ATP11C: variants seen among roughly 807,000 people sequenced by gnomAD.
ATP11C encodes phospholipid-transporting ATPase IG.
Under a neutral mutation model 97.4 loss-of-function variants are expected in ATP11C, and 36 were observed. The observed-to-expected ratio is 0.37, with a 90% CI of 0.28 to 0.49. ATP11C has a LOEUF of 0.49. Among genes scored for constraint, ATP11C ranks in the 20% least tolerant of loss-of-function variants. The pLI, the probability that ATP11C is intolerant of heterozygous loss-of-function variation, is 0.98. For synonymous variants in ATP11C, 275 were observed against 290.9 expected, an observed-to-expected ratio of 0.95 and a Z score of 0.56; for missense variants, 730 against 824.6, an observed-to-expected ratio of 0.89 and a Z score of 1.40.
At chrX:139,790,803 T>C (rs2082676199) in intron 12 of ATP11C, among the ~76,000 whole-genome samples, 1 of 111,697 alleles carries the variant, frequency 9.0e-6, no homozygotes, top group Admixed American at 9.5e-5. Context: ...AGTTTCCAAA[T>C]TTAGAAAAAA....
At chrX:139,762,714 C>T (rs2082061368) in intron 21 of ATP11C, among the ~76,000 whole-genome samples, 1 of 111,254 alleles carries the variant, frequency 9.0e-6, no homozygotes, top group Non-Finnish European at 1.9e-5. Context: ...ATATCTGGCC[C>T]CACCACCCTG....
chrX:139,745,634 G>A (rs1235573119), intron 25 of ATP11C, 88 bp downstream of exon 25: 23 of 981,812 alleles, frequency 2.3e-5, no homozygotes, highest in Admixed American at 3.1e-5. Context: ...ATTACAGCTA[G>A]AGTATGTATA....
chrX:139,856,794 C>T (rs1307341563), intron 1 of ATP11C, among the ~76,000 whole-genome samples: 1 of 112,215 alleles, frequency 8.9e-6, no homozygotes, highest in African/African-American at 3.2e-5. Flanking sequence ...TTATTAACTA[C>T]ACTAGAGATG....
intron 2 of ATP11C, among the ~76,000 whole-genome samples, chrX:139,823,552 A>C (rs1414095672): frequency 8.9e-6 from 1 of 112,180 alleles, no homozygotes; most frequent in African/African-American, 3.2e-5. Flanking sequence ...AAAAATGCTG[A>C]TGGTTTAGCA....
chrX:139,823,731 G>T (rs1449628209), intron 2 of ATP11C, among the ~76,000 whole-genome samples: 1 of 111,986 alleles, frequency 8.9e-6, no homozygotes, highest in East Asian at 2.8e-4. Context: ...AGAAAACTTA[G>T]GAAAAACTCT....
chrX:139,900,224 C>T (rs945978273), intron 1 of ATP11C, among the ~76,000 whole-genome samples: 2 of 110,222 alleles, frequency 1.8e-5, no homozygotes, highest in South Asian at 3.9e-4. Flanking sequence ...CAAAAATTAG[C>T]GGGGTGTGGT....
At chrX:139,867,718 G>GCAGCTA (rs1270194765) in intron 1 of ATP11C, among the ~76,000 whole-genome samples, 26 of 112,209 alleles carry the variant, frequency 2.3e-4, no homozygotes, top group African/African-American at 8.4e-4. Context: ...ATCTGGCAGA[G>GCAGCTA]CAGCTAGCAT....
chrX:139,849,585 ACCT>A (rs2083958757), intron 1 of ATP11C, among the ~76,000 whole-genome samples: 1 of 111,272 alleles, frequency 9.0e-6, no homozygotes, highest in Non-Finnish European at 1.9e-5. Context: ...CTACTTCCTC[ACCT>A]CCTCTTCACT....
intron 1 of ATP11C, among the ~76,000 whole-genome samples, chrX:139,870,337 G>T (rs940484826): frequency 8.9e-6 from 1 of 112,281 alleles, no homozygotes; most frequent in Non-Finnish European, 1.9e-5. Flanking sequence ...TTACACGTAT[G>T]TTTAGTTATC....
intron 1 of ATP11C, among the ~76,000 whole-genome samples, chrX:139,911,954 G>A (rs1451079783): frequency 2.7e-5 from 3 of 109,418 alleles, no homozygotes; most frequent in Admixed American, 9.9e-5. Flanking sequence ...GAGGGAGGGC[G>A]GATCACTTGA....
rs7056634 is a variant in ATP11C at position 139,758,451 on chromosome X, C to T, written c.2641-584G>A. On this transcript the variant is annotated intron_variant, in intron 22 of 29. Transcript: ENST00000682941. ...GGGCTCCCCCGCCCCTCCCCCGAGG[C>T]TGCACAGCAGGAGGTGAGTGGCAGG... Among the ~76,000 whole-genome samples the T allele has an allele frequency of 5.0e-3, 556 of 111,634 alleles. 8 individuals are homozygous for T. Among genetic ancestry groups the T allele is most frequent in the African/African-American group, 0.017 (512 of 30,748 alleles).
chrX:139,933,650 C>G (rs753744996), upstream of ATP11C, among the ~76,000 whole-genome samples: 2 of 112,308 alleles, frequency 1.8e-5, no homozygotes, highest in East Asian at 5.6e-4. Context: ...TTACACGAGT[C>G]TTCCGCCTCG....
At position 139,748,334 on chromosome X, in the gene ATP11C, G is replaced by A. The variant is rs190922310; in HGVS notation, c.2828+1691C>T. On this transcript the variant is annotated intron_variant, in intron 24 of 29. Transcript: ENST00000682941. ...GTAAGTAGCAGAGGCTTTCAGCCCA[G>A]GTGTTAGTCTGAGCTCTTGGTGGGA... Among the ~76,000 whole-genome samples, 5 of 110,580 alleles carry A rather than the reference G, an allele frequency of 4.5e-5. No homozygotes were observed. In the East Asian group the frequency reaches 1.4e-3, roughly 32 times the overall value.
chrX:139,740,989 A>G lies in ATP11C; in HGVS notation c.3134+2T>C. On this transcript the variant is annotated splice_donor_variant, in intron 27 of 29. Transcript: ENST00000682941. LOFTEE classifies it high-confidence loss of function. ...ATTGCTCACACATGTACAATTGCTT[A>G]CCAAATAATTCCTCCCCAGAAGAAT... is the stretch of plus-strand genomic sequence containing the variant. 8.6e-7 allele frequency: 1 copy of G among 1,157,038 alleles called. No individual in the cohort carries two copies. The highest frequency in any genetic ancestry group is 1.2e-6 in the Non-Finnish European group (1 of 846,248).
chrX:139,929,959 T>C (rs1465163106), intron 1 of ATP11C, among the ~76,000 whole-genome samples: 1 of 111,479 alleles, frequency 9.0e-6, no homozygotes, highest in Non-Finnish European at 1.9e-5. Context: ...TCCAACGGTA[T>C]GCAGATTAAT....
chrX:139,800,195 A>G (rs1156516563), intron 7 of ATP11C, 85 bp from the exon 8 acceptor site: 1 of 690,068 alleles, frequency 1.4e-6, no homozygotes, highest in Non-Finnish European at 2.3e-6. Flanking sequence ...ATGAAAATAC[A>G]AATAATAAAA....
intron 11 of ATP11C, 117 bp downstream of exon 11, chrX:139,797,059 T>C (rs185921186): frequency 3.5e-6 from 2 of 578,783 alleles, no homozygotes; most frequent in Non-Finnish European, 5.4e-6. Flanking sequence ...AGAGCCACCA[T>C]GTAATCGAGA....
At chrX:139,935,921 G>T (rs954913260), upstream of ATP11C, among the ~76,000 whole-genome samples, 2 of 110,473 alleles carry the variant, frequency 1.8e-5, no homozygotes, top group Middle Eastern at 4.7e-3. Context: ...ACTCGAACCC[G>T]GGAGGTGGAG....
chrX:139,786,451 C>T (rs2082575754), intron 15 of ATP11C, among the ~76,000 whole-genome samples: 1 of 110,310 alleles, frequency 9.1e-6, no homozygotes, highest in East Asian at 2.9e-4. Context: ...GTCAGTCAGA[C>T]CAAGAACCTT....
Sources: gnomAD v4.1 joint callset for allele counts (sites outside exome capture counted in the v4.1 genomes callset) on GRCh38, gnomAD v4.1.1 for gene constraint, MANE v1.5 for transcripts, NCBI Gene and HGNC (gene_info 2026-07-23, HGNC 2026-07-21) for gene names.